The following TNRC18 variants were observed in gnomAD, a reference collection of about 807,000 sequenced individuals.
TNRC18 encodes the protein trinucleotide repeat containing 18.
In TNRC18, 69 loss-of-function variants were observed where a neutral mutation model predicts 226.7. The observed-to-expected ratio is 0.30, with a 90% CI of 0.25 to 0.37. The LOEUF is 0.37. Ranked by LOEUF, TNRC18 falls within the 10% of genes least tolerant of loss-of-function variation. The pLI is 1.00. For synonymous variants in TNRC18, 2,449 were observed against 1,927.6 expected (o/e 1.27, Z -7.09); for missense variants, 4,754 against 4,256.6 (o/e 1.12, Z -3.25).
At chr7:5,400,665 T>C (rs908385263) in intron 2 of TNRC18, among the ~76,000 whole-genome samples, 1 of 152,140 alleles carries the variant, frequency 6.6e-6, no homozygotes, top group Admixed American at 6.6e-5. Flanking sequence ...TTACACAGGA[T>C]GAATACACCA....
Position 5,313,597 on chromosome 7 carries a change from C to A in TNRC18, c.7294G>T (p.Ala2432Ser). ...GCCTTCTTGGGCTTGGGGCGTGTGG[C>A]AGGCATGGTGATGAGGGGTGCTGGG... ...LAPAPLITMP[A>S]TRPKPKKARA... Residue 2432 changes from alanine (A) to serine (S), a missense_variant, in exon 27 of 30, where the codon GCC (alanine) becomes TCC (serine). Transcript: ENST00000430969. 6.2e-7 allele frequency: 1 copy of A among 1,603,644 alleles called. No homozygotes were observed. Among genetic ancestry groups the A allele is most frequent in the Non-Finnish European group, 8.5e-7 (1 of 1,175,992 alleles).
At chr7:5,374,811 G>A (rs1001126709) in intron 9 of TNRC18, among the ~76,000 whole-genome samples, 2 of 152,188 alleles carry the variant, frequency 1.3e-5, no homozygotes, top group Non-Finnish European at 2.9e-5. Context: ...AGGGGGGCCA[G>A]ATGGGGGGCA....
At chr7:5,329,916 G>A (rs1311807758) in intron 19 of TNRC18, 1 of 470,984 alleles carries the variant, frequency 2.1e-6, no homozygotes, top group South Asian at 1.5e-5. Flanking sequence ...ATTATATCCA[G>A]CTATAATACC....
intron 2 of TNRC18, among the ~76,000 whole-genome samples, chr7:5,402,764 G>A (rs1358123293): frequency 1.3e-5 from 2 of 151,956 alleles, no homozygotes; most frequent in East Asian, 3.9e-4. Flanking sequence ...TGAGGCAGGA[G>A]AACTGCTTGA....
chr7:5,381,584 C>A (rs1156744181), intron 5 of TNRC18, among the ~76,000 whole-genome samples: 1 of 152,088 alleles, frequency 6.6e-6, no homozygotes, highest in East Asian at 1.9e-4. Context: ...ATGACTGCAC[C>A]ACTGAACTCC....
At chr7:5,314,697 C>T (rs542385305) in intron 26 of TNRC18, among the ~76,000 whole-genome samples, 46 of 151,826 alleles carry the variant, frequency 3.0e-4, no homozygotes, top group African/African-American at 1.0e-3. Flanking sequence ...CTCAGCCTCC[C>T]ACGTAGTTGG....
At chr7:5,399,556 A>T (rs1386185629) in intron 2 of TNRC18, among the ~76,000 whole-genome samples, 3 of 151,862 alleles carry the variant, frequency 2.0e-5, no homozygotes, top group African/African-American at 7.3e-5. Context: ...ATAATACAAA[A>T]TTAGCCGGGC....
intron 19 of TNRC18, among the ~76,000 whole-genome samples, chr7:5,332,257 C>T (rs1789598613): frequency 6.6e-6 from 1 of 152,088 alleles, no homozygotes; most frequent in Admixed American, 6.6e-5. Flanking sequence ...GGCAACATAG[C>T]GAGATCCCCT....
At chr7:5,390,650 C>G in intron 3 of TNRC18, 22 bp from the exon 4 acceptor site, 5 of 1,512,174 alleles carry the variant, frequency 3.3e-6, no homozygotes, top group Non-Finnish European at 4.4e-6. Context: ...AAGAGAAAAG[C>G]TGGGCTGGGC....
intron 10 of TNRC18, among the ~76,000 whole-genome samples, chr7:5,372,966 C>G (rs2128175006): frequency 6.6e-6 from 1 of 152,198 alleles, no homozygotes; most frequent in South Asian, 2.1e-4. Context: ...CGAGACCAGC[C>G]TGACCAACAT....
rs774052183 is a variant in TNRC18, at chr7:5,394,480, G to C, written c.303C>G (p.Asn101Lys). The C allele has an allele frequency of 1.9e-5, 30 of 1,559,908 alleles. No individual in the cohort carries two copies. Among genetic ancestry groups the C allele is most frequent in the Non-Finnish European group, 2.5e-5 (29 of 1,153,482 alleles). ...CGGCCCACAGCTGCACCATGGGCAGGTTGCTAGGGGTTGGGGAGCGGAAAG... is the reference window on the plus strand; with the variant it reads ...CGGCCCACAGCTGCACCATGGGCAGCTTGCTAGGGGTTGGGGAGCGGAAAG... ...DLSFRSPTPS[N>K]LPMVQLWAAH... Residue 101 changes from asparagine (N) to lysine (K), a missense_variant, in exon 3 of 30, where the codon AAC becomes AAG. Physicochemically the swap from Asn to Lys is moderately conservative, Grantham distance 94 (BLOSUM62 0). Transcript: ENST00000430969. The surrounding 1 kb of genome is among the most constrained non-coding windows in gnomAD (Gnocchi z 4.5).
At chr7:5,408,218 G>C (rs1229285702) in intron 2 of TNRC18, among the ~76,000 whole-genome samples, 2 of 150,508 alleles carry the variant, frequency 1.3e-5, no homozygotes, top group Non-Finnish European at 2.9e-5. Context: ...GGAATCTCTT[G>C]AACCCGGGAA....
At chr7:5,384,065 A>G (rs1049281564) in intron 5 of TNRC18, among the ~76,000 whole-genome samples, 7 of 148,058 alleles carry the variant, frequency 4.7e-5, no homozygotes, top group African/African-American at 1.8e-4. Flanking sequence ...CCTAGGTTCA[A>G]GCCATTCTCC....
At chr7:5,417,956 CTAGCCAAGCCAAGCCCCTCCCTTGT>C (rs1187394401) in intron 2 of TNRC18, among the ~76,000 whole-genome samples, 15 of 152,190 alleles carry the variant, frequency 9.9e-5, no homozygotes, top group African/African-American at 3.6e-4. Flanking sequence ...AGCCAGAGTG[CTAGCCAAGCCAAGCCCCTCCCTTGT>C]TAGCCAAGCC....
chr7:5,339,257 T>G (rs1790433990), intron 18 of TNRC18, among the ~76,000 whole-genome samples: 1 of 151,582 alleles, frequency 6.6e-6, no homozygotes, highest in South Asian at 2.1e-4. Context: ...TTTTGTTTTT[T>G]GAGATGGAGT....
At chr7:5,359,986 A>T (rs905668573) in intron 14 of TNRC18, among the ~76,000 whole-genome samples, 1 of 151,620 alleles carries the variant, frequency 6.6e-6, no homozygotes, top group Non-Finnish European at 1.5e-5. Context: ...TTTTCCAGTA[A>T]GGGAAAAAAA....
At position 5,378,016 on chromosome 7, in the gene TNRC18, G is replaced by C. The variant is rs753224259; in HGVS notation, c.2161C>G (p.Arg721Gly). 1.0e-4 allele frequency: 163 copies of C among 1,610,300 alleles called. 2 individuals carry two copies. Among genetic ancestry groups the C allele is most frequent in the South Asian group, 8.9e-4 (81 of 91,014 alleles). The change falls in exon 6 of 30, where the codon CGA (arginine) becomes GGA (glycine). Residue 721 changes from arginine (R) to glycine (G), a missense_variant. Coordinates refer to ENST00000430969, the MANE Select transcript of TNRC18 (RefSeq NM_001080495.3). ...TCGTCCACACAGTCCTCATCTGCTC[G>C]GCCGTGCCCTGCAGGGGGCCAGGTG... ...LSLSNVKGHG[R>G]ADEDCVDDRA...
At chr7:5,347,873 T>C (rs1791364192) in intron 17 of TNRC18, among the ~76,000 whole-genome samples, 1 of 151,076 alleles carries the variant, frequency 6.6e-6, no homozygotes. Flanking sequence ...AAGAATCACT[T>C]GAACCCCGGA....
At chr7:5,358,827 CAAAA>C (rs879538563) in intron 15 of TNRC18, among the ~76,000 whole-genome samples, 4 of 147,738 alleles carry the variant, frequency 2.7e-5, no homozygotes, top group South Asian at 4.4e-4. Flanking sequence ...AACAAACAAA[CAAAA>C]AAAAACTACC....
Sources: gnomAD v4.1 joint callset for allele counts (sites outside exome capture counted in the v4.1 genomes callset) on GRCh38, gnomAD v4.1.1 for gene constraint, Gnocchi (gnomAD v3.1) non-coding constraint, MANE v1.5 for transcripts, NCBI Gene and HGNC (gene_info 2026-07-23, HGNC 2026-07-21) for gene names.